The following SYN3 variants were observed in gnomAD, a reference collection of about 807,000 sequenced individuals.
SYN3 encodes synapsin-3.
In SYN3, 35 loss-of-function variants were observed where a neutral mutation model predicts 65.8. The observed-to-expected ratio is 0.53, with a 90% CI of 0.41 to 0.70. SYN3 has a LOEUF of 0.70. Among genes scored for constraint, SYN3 ranks in the 30% least tolerant of loss-of-function variants. The pLI is 0.00. For synonymous variants in SYN3, 270 were observed against 292.9 expected, an observed-to-expected ratio of 0.92 and a Z score of 0.80; for missense variants, 680 against 749.0, an observed-to-expected ratio of 0.91 and a Z score of 1.08.
intron 12 of SYN3, among the ~76,000 whole-genome samples, chr22:32,519,850 C>T (rs1406057911): frequency 1.3e-5 from 2 of 152,068 alleles, no homozygotes; most frequent in Non-Finnish European, 1.5e-5. Flanking sequence ...ACCGTAGGCA[C>T]GTTAGGAGAC....
chr22:32,559,777 C>T (rs1376971964), intron 7 of SYN3, among the ~76,000 whole-genome samples: 2 of 151,652 alleles, frequency 1.3e-5, no homozygotes, highest in Non-Finnish European at 2.9e-5. Context: ...TTGCAGTGTG[C>T]CCAGATAGCG....
chr22:32,810,153 A>G (rs936675780), intron 6 of SYN3, among the ~76,000 whole-genome samples: 2 of 152,190 alleles, frequency 1.3e-5, no homozygotes, highest in Admixed American at 1.3e-4. Flanking sequence ...ACAGGTGTCT[A>G]TGTGGGCTGC....
intron 6 of SYN3, among the ~76,000 whole-genome samples, chr22:32,611,279 TTTTTG>T (rs1332462264): frequency 0.089 from 9,848 of 110,234 alleles, 366 homozygotes; most frequent in Non-Finnish European, 0.13. Flanking sequence ...TAGAGTTTTT[TTTTTG>T]TTTTTTTTTT....
intron 4 of SYN3, among the ~76,000 whole-genome samples, chr22:32,880,015 G>C (rs73403242): frequency 6.6e-6 from 1 of 152,300 alleles, no homozygotes; most frequent in African/African-American, 2.4e-5. Flanking sequence ...TGTGACCCCT[G>C]GGGGACCTTC....
intron 1 of SYN3, among the ~76,000 whole-genome samples, chr22:33,056,130 G>T (rs1048338572): frequency 6.6e-6 from 1 of 152,132 alleles, no homozygotes; most frequent in African/African-American, 2.4e-5. Context: ...AACTAGAAGA[G>T]AATGTATATA....
chr22:32,938,345 G>A (rs920839715), intron 3 of SYN3, among the ~76,000 whole-genome samples: 4 of 151,810 alleles, frequency 2.6e-5, no homozygotes, highest in South Asian at 4.2e-4. Flanking sequence ...TGGCAAACAC[G>A]GTGAAACCCT....
At chr22:32,921,313 C>T (rs1270387806) in intron 4 of SYN3, among the ~76,000 whole-genome samples, 1 of 152,132 alleles carries the variant, frequency 6.6e-6, no homozygotes, top group Non-Finnish European at 1.5e-5. Context: ...ATATTATTAC[C>T]TTTTACAGAT....
intron 3 of SYN3, among the ~76,000 whole-genome samples, chr22:32,943,859 A>C (rs958629605): frequency 6.6e-6 from 1 of 152,368 alleles, no homozygotes; most frequent in South Asian, 2.1e-4. Flanking sequence ...GAAGACCATT[A>C]CATAATGGTA....
In SYN3 at chr22:32,931,461, G is replaced by A. The variant is rs138519880; in HGVS notation, c.390C>T (p.Asn130=). 26 of 1,613,672 alleles carry A rather than the reference G, an allele frequency of 1.6e-5. No individual in the cohort carries two copies. The highest frequency in any genetic ancestry group is 1.9e-5 in the Non-Finnish European group (22 of 1,179,748). ...AGCCCCCGGTCACATAGGCAGCTAGGTTCAACTCTGAGAATTCAGCCTGAA... is the reference window on the plus strand; with the variant it reads ...AGCCCCCGGTCACATAGGCAGCTAGATTCAACTCTGAGAATTCAGCCTGAA... ...RVEQAEFSEL[N]LAAYVTGGCM... is the part of the protein sequence containing the mutation. The change falls in exon 4 of 14, where the codon AAC becomes AAT. Residue 130 remains asparagine (N), a synonymous_variant. Transcript: ENST00000358763.
intron 6 of SYN3, among the ~76,000 whole-genome samples, chr22:32,756,502 T>C (rs1379722627): frequency 6.6e-6 from 1 of 152,200 alleles, no homozygotes; most frequent in Non-Finnish European, 1.5e-5. Flanking sequence ...TTTACAACTA[T>C]ACATGCCGAC....
intron 6 of SYN3, among the ~76,000 whole-genome samples, chr22:32,808,770 C>A (rs1156959982): frequency 6.6e-6 from 1 of 152,162 alleles, no homozygotes; most frequent in African/African-American, 2.4e-5. Flanking sequence ...ATAAACCTTG[C>A]CCATATTTTA....
chr22:32,618,220 T>G (rs917579266), intron 6 of SYN3, among the ~76,000 whole-genome samples: 5 of 152,038 alleles, frequency 3.3e-5, no homozygotes, highest in Non-Finnish European at 7.4e-5. Context: ...AGCCCCTCAA[T>G]AAATGTTCGG....
intron 6 of SYN3, among the ~76,000 whole-genome samples, chr22:32,602,734 A>C: frequency 6.6e-6 from 1 of 152,210 alleles, no homozygotes; most frequent in East Asian, 1.9e-4. Context: ...TGCTGAGATT[A>C]CAGGCGTCAG....
At chr22:33,042,994 C>T (rs1053714459) in intron 1 of SYN3, among the ~76,000 whole-genome samples, 1 of 152,142 alleles carries the variant, frequency 6.6e-6, no homozygotes, top group Admixed American at 6.5e-5. Flanking sequence ...AGGCCATATA[C>T]CCTTTTGTTA....
intron 4 of SYN3, among the ~76,000 whole-genome samples, chr22:32,881,580 C>T (rs1489645481): frequency 1.3e-5 from 2 of 152,220 alleles, no homozygotes; most frequent in East Asian, 1.9e-4. Flanking sequence ...CCCCAGAGCA[C>T]CCAGGTGGCG....
At chr22:32,844,687 A>G (rs1452283387) in intron 6 of SYN3, among the ~76,000 whole-genome samples, 2 of 150,794 alleles carry the variant, frequency 1.3e-5, no homozygotes, top group East Asian at 1.9e-4. Flanking sequence ...TCCTTAATCA[A>G]TCTCTTCCTT....
chr22:32,973,311 C>T (rs1370149901), intron 3 of SYN3, among the ~76,000 whole-genome samples: 2 of 152,142 alleles, frequency 1.3e-5, no homozygotes, highest in African/African-American at 4.8e-5. Context: ...TAGTTAAGTA[C>T]ATGGAAGAGA....
intron 12 of SYN3, among the ~76,000 whole-genome samples, chr22:32,519,108 C>G (rs1330577999): frequency 6.6e-6 from 1 of 152,110 alleles, no homozygotes; most frequent in African/African-American, 2.4e-5. Flanking sequence ...TACCTGCAGC[C>G]TCCAGAACTG....
intron 6 of SYN3, among the ~76,000 whole-genome samples, chr22:32,829,687 G>A (rs576669911): frequency 2.6e-5 from 4 of 152,358 alleles, no homozygotes; most frequent in East Asian, 3.9e-4. Flanking sequence ...GCCGGTCCCC[G>A]GGCACTGACC....
Sources: gnomAD v4.1 joint callset for allele counts (sites outside exome capture counted in the v4.1 genomes callset) on GRCh38, gnomAD v4.1.1 for gene constraint, MANE v1.5 for transcripts, NCBI Gene and HGNC (gene_info 2026-07-23, HGNC 2026-07-21) for gene names.